The following INVS variants were observed in gnomAD, a reference collection of about 807,000 sequenced individuals.
The protein encoded by INVS is inversin, also known as inversion of embryo turning homolog.
A neutral mutation model predicts 108.8 loss-of-function variants in INVS; 86 were observed. That is an observed-to-expected ratio of 0.79 (90% CI 0.66 to 0.95). The LOEUF (loss-of-function observed/expected upper bound fraction) is 0.95. Among genes scored for constraint, INVS ranks in the 40% least tolerant of loss-of-function variants. The probability of loss-of-function intolerance (pLI) is 0.00; values close to 1 mark genes in which losing one functional copy is unlikely to be tolerated. For synonymous variants in INVS, 455 were observed against 473.5 expected (o/e 0.96, Z 0.51); for missense variants, 1,169 against 1,297.4 (o/e 0.90, Z 1.52).
intron 3 of INVS, among the ~76,000 whole-genome samples, chr9:100,163,282 C>T (rs1028793688): frequency 3.3e-5 from 5 of 149,354 alleles, no homozygotes; most frequent in Admixed American, 2.7e-4. Flanking sequence ...CAGTAACAAA[C>T]GCGGGCACCA....
rs778707051 is a variant in INVS at position 100,252,904 on chromosome 9, C to T, written c.1235-3C>T. On this transcript the variant is annotated splice_polypyrimidine_tract_variant and splice_region_variant and intron_variant, in intron 9 of 16. Transcript: ENST00000262457. The stretch of plus-strand genomic sequence containing the variant: ...CATTCTCATTATATTTGTGCTTTTC[C>T]AGGTGGAGCAAGGGTAGATCTAGTT... 6.2e-7 allele frequency: 1 copy of T among 1,608,500 alleles called. No individual in the cohort carries two copies. Among genetic ancestry groups the T allele is most frequent in the South Asian group, 1.1e-5 (1 of 90,914 alleles).
At position 100,292,315 on chromosome 9, in the gene INVS, G is replaced by T. The variant is rs1303274883; in HGVS notation, c.2069-11G>T. 1 of 1,611,798 alleles carries T rather than the reference G, an allele frequency of 6.2e-7. No individual in the cohort carries two copies. The highest frequency in any genetic ancestry group is 1.7e-5 in the Admixed American group (1 of 59,988). ...AAGTTTTGGACAATATTTTTTCTTT[G>T]TTTCCTCAAGAAACAGCCAGAGAAC... On this transcript the variant is annotated splice_polypyrimidine_tract_variant and intron_variant, in intron 13 of 16. Transcript: ENST00000262457.
intron 13 of INVS, among the ~76,000 whole-genome samples, chr9:100,286,324 C>G (rs1833440348): frequency 6.6e-6 from 1 of 152,152 alleles, no homozygotes; most frequent in Non-Finnish European, 1.5e-5. Flanking sequence ...GAGGCTGGGG[C>G]AGGTGGATTA....
chr9:100,233,043 T>G (rs1368024723), intron 5 of INVS, among the ~76,000 whole-genome samples: 1 of 152,188 alleles, frequency 6.6e-6, no homozygotes, highest in Non-Finnish European at 1.5e-5. Context: ...AACAGTGGTT[T>G]ATAGTTCTCC....
chr9:100,125,481 A>C (rs899060852), intron 2 of INVS, among the ~76,000 whole-genome samples: 4 of 152,118 alleles, frequency 2.6e-5, no homozygotes, highest in Non-Finnish European at 5.9e-5. Flanking sequence ...GCAAACAAGC[A>C]AACAGAAAAC....
chr9:100,264,686 A>G (rs1832730661), intron 10 of INVS, 136 bp from the exon 11 acceptor site: 6 of 685,286 alleles, frequency 8.8e-6, no homozygotes, highest in African/African-American at 1.8e-5. Flanking sequence ...TCTCCACTGT[A>G]TATTTAATAT....
At chr9:100,168,016 T>C (rs1016971117) in intron 3 of INVS, among the ~76,000 whole-genome samples, 4 of 152,146 alleles carry the variant, frequency 2.6e-5, no homozygotes, top group Admixed American at 2.0e-4. Flanking sequence ...TTTCCTCTCT[T>C]GGAACTAGAT....
chr9:100,154,331 A>ATTTTT lies in INVS; in HGVS notation c.273+27806_273+27810dup, dbSNP rs780090630. 4.3e-3 allele frequency among the ~76,000 whole-genome samples: 292 copies of ATTTTT among 68,552 alleles called. 36 individuals carry two copies. Among genetic ancestry groups the ATTTTT allele is most frequent in the African/African-American group, 0.017 (223 of 12,978 alleles). The allele number at this position is 68,552 out of a possible 152,430, so 45.0% of individuals were successfully genotyped here. On this transcript the variant is annotated intron_variant, in intron 3 of 16. Transcript: ENST00000262457. Reference sequence around the variant, plus strand: ...AGGTGTGTGCCACCACAACCGACTAATTTTTTTTTTTTTTTTTTTTTTTTT... The same window carrying ATTTTT: ...AGGTGTGTGCCACCACAACCGACTAATTTTTTTTTTTTTTTTTTTTTTTTTTTTTT...
intron 3 of INVS, among the ~76,000 whole-genome samples, chr9:100,201,891 A>G (rs1830543022): frequency 1.3e-5 from 2 of 152,226 alleles, no homozygotes; most frequent in South Asian, 4.1e-4. Context: ...TACACCCAAG[A>G]TAAGGAGAAT....
intron 3 of INVS, among the ~76,000 whole-genome samples, chr9:100,205,942 C>A (rs1830663202): frequency 6.6e-6 from 1 of 152,092 alleles, no homozygotes; most frequent in Admixed American, 6.5e-5. Flanking sequence ...CTACTACTAA[C>A]TTCTCATTTT....
chr9:100,138,700 C>CTTTTTTTTT (rs36096327), intron 3 of INVS, among the ~76,000 whole-genome samples: 1 of 124,938 alleles, frequency 8.0e-6, no homozygotes, highest in Non-Finnish European at 1.6e-5. Flanking sequence ...TGATGGTTTC[C>CTTTTTTTTT]TTTTTTTTTT....
At chr9:100,132,006 A>C in intron 3 of INVS, 1 of 433,788 alleles carries the variant, frequency 2.3e-6, no homozygotes, top group Non-Finnish European at 3.1e-6. Flanking sequence ...AACACAACAA[A>C]CAATCCACGC....
intron 11 of INVS, among the ~76,000 whole-genome samples, chr9:100,267,867 A>G (rs1399211646): frequency 6.6e-6 from 1 of 152,196 alleles, no homozygotes; most frequent in Non-Finnish European, 1.5e-5. Flanking sequence ...ACAAAAATAT[A>G]TTTTTTGAGA....
chr9:100,118,895 A>G (rs1202643480), intron 2 of INVS, among the ~76,000 whole-genome samples: 1 of 152,116 alleles, frequency 6.6e-6, no homozygotes, highest in Non-Finnish European at 1.5e-5. Context: ...TCCTGACCTC[A>G]GGTGATCCAC....
At position 100,300,588 on chromosome 9, in the gene INVS, C is replaced by T. The variant is rs769311791; in HGVS notation, c.3112C>T (p.His1038Tyr). 4 of 1,612,182 alleles carry T rather than the reference C, an allele frequency of 2.5e-6. No homozygotes were observed. In the East Asian group the frequency reaches 6.7e-5, roughly 27 times the overall value. The part of the protein sequence containing the change: ...LNSVSNLQCI[H>Y]LLENSGRSKN... ...AACAGTGAGCAACCTACAGTGTATA[C>T]ATCTCCTTGAGAACAGTGGAAGATC... The change falls in exon 17 of 17, where the codon CAT becomes TAT. Residue 1038 changes from histidine to tyrosine, a missense_variant. By Grantham distance (83) the His-to-Tyr change is moderately conservative. Transcript: ENST00000262457.
chr9:100,154,242 C>T (rs1194482701), intron 3 of INVS, among the ~76,000 whole-genome samples: 2 of 151,098 alleles, frequency 1.3e-5, no homozygotes, highest in African/African-American at 4.9e-5. Flanking sequence ...TGGCTCACTG[C>T]AATCTCGACA....
chr9:100,222,819 C>CTT (rs201620953), intron 3 of INVS, among the ~76,000 whole-genome samples: 3 of 137,416 alleles, frequency 2.2e-5, no homozygotes, highest in Non-Finnish European at 4.8e-5. Context: ...CCTGGGCAAA[C>CTT]TTTTTTTTTT....
chr9:100,136,988 CG>C (rs555315619), intron 3 of INVS, among the ~76,000 whole-genome samples: 6 of 151,958 alleles, frequency 3.9e-5, no homozygotes, highest in Non-Finnish European at 8.8e-5. Context: ...TGCAGTGAGC[CG>C]TGATCGCGCC....
At chr9:100,145,396 A>G (rs1437750600) in intron 3 of INVS, among the ~76,000 whole-genome samples, 1 of 151,362 alleles carries the variant, frequency 6.6e-6, no homozygotes, top group East Asian at 1.9e-4. Context: ...TGCAGAGATA[A>G]GAAGTCAGGG....
Sources: allele counts gnomAD v4.1 joint callset (sites outside exome capture counted in the v4.1 genomes callset), GRCh38; gene constraint gnomAD v4.1.1; transcripts MANE v1.5; gene names NCBI Gene and HGNC (gene_info 2026-07-23, HGNC 2026-07-21).